COL25A1: variants seen among roughly 807,000 people sequenced by gnomAD.
COL25A1 encodes collagen type XXV alpha 1 chain.
COL25A1 carries 103 observed loss-of-function variants against 128.4 expected under a neutral mutation model. That is an observed-to-expected ratio of 0.80 (90% confidence interval 0.68 to 0.94). The LOEUF (loss-of-function observed/expected upper bound fraction) is 0.94, where lower values mean the gene tolerates loss of function less well. COL25A1 is among the 40% of genes least tolerant of loss of function. The probability of loss-of-function intolerance (pLI) is 0.00; values close to 1 mark genes in which losing one functional copy is unlikely to be tolerated. For missense variants in COL25A1, 745 were observed against 840.0 expected (o/e 0.89, Z 1.40); for synonymous variants, 279 against 277.2 (o/e 1.01, Z -0.06).
intron 11 of COL25A1, among the ~76,000 whole-genome samples, chr4:108,924,636 G>A (rs570910746): frequency 1.4e-4 from 22 of 152,180 alleles, no homozygotes; most frequent in African/African-American, 5.3e-4. Context: ...CTAACGTAAC[G>A]TTCACCTAAT....
At chr4:109,275,420 T>C (rs879717942) in intron 3 of COL25A1, among the ~76,000 whole-genome samples, 3 of 152,182 alleles carry the variant, frequency 2.0e-5, no homozygotes, top group Admixed American at 1.3e-4. Flanking sequence ...AGAGGTTTCA[T>C]AGGGTTTAGG....
intron 13 of COL25A1, among the ~76,000 whole-genome samples, chr4:108,908,103 G>A (rs1743745690): frequency 6.6e-6 from 1 of 152,114 alleles, no homozygotes; most frequent in Admixed American, 6.5e-5. Flanking sequence ...ACTAAATTTG[G>A]CTCAAGTCTA....
intron 3 of COL25A1, among the ~76,000 whole-genome samples, chr4:109,282,894 T>C (rs751727493): frequency 2.0e-5 from 3 of 152,354 alleles, no homozygotes; most frequent in Middle Eastern, 3.4e-3. Context: ...AAGGCTCTGA[T>C]GAAACTAAAA....
chr4:109,240,438 T>C (rs1193335555), intron 3 of COL25A1, among the ~76,000 whole-genome samples: 6 of 152,060 alleles, frequency 3.9e-5, no homozygotes, highest in South Asian at 2.1e-4. Flanking sequence ...TGTCATGCAG[T>C]GCAAAACTGT....
chr4:109,276,983 T>C (rs1160831102), intron 3 of COL25A1, among the ~76,000 whole-genome samples: 2 of 152,210 alleles, frequency 1.3e-5, no homozygotes, highest in African/African-American at 4.8e-5. Context: ...CATTCTCTTC[T>C]GCTGTTATTC....
At chr4:108,845,928 G>T (rs1456112620) in intron 28 of COL25A1, among the ~76,000 whole-genome samples, 5 of 151,964 alleles carry the variant, frequency 3.3e-5, no homozygotes, top group Non-Finnish European at 7.4e-5. Context: ...AAACATGAAG[G>T]CTTCCTTTAT....
chr4:109,120,360 T>C (rs1768002733), intron 3 of COL25A1, among the ~76,000 whole-genome samples: 2 of 152,122 alleles, frequency 1.3e-5, no homozygotes, highest in Admixed American at 1.3e-4. Context: ...GTAGATGATA[T>C]GATTGCCTAT....
intron 3 of COL25A1, among the ~76,000 whole-genome samples, chr4:109,178,835 CAAAAAAAAAAAA>C (rs34132262): frequency 4.2e-5 from 2 of 47,544 alleles, no homozygotes. Flanking sequence ...ACTCCATCTC[CAAAAAAAAAAAA>C]AAAAAAAAAA....
chr4:109,143,951 G>A (rs2126090400), intron 3 of COL25A1, among the ~76,000 whole-genome samples: 1 of 152,246 alleles, frequency 6.6e-6, no homozygotes, highest in South Asian at 2.1e-4. Flanking sequence ...GCAAGGAGTT[G>A]TGATCCTTTA....
chr4:108,941,321 A>G, intron 9 of COL25A1, 45 bp downstream of exon 9: 3 of 1,469,196 alleles, frequency 2.0e-6, no homozygotes, highest in Non-Finnish European at 2.9e-6. Context: ...CAGAGCAATA[A>G]CTGATGTAAA....
intron 3 of COL25A1, among the ~76,000 whole-genome samples, chr4:109,170,516 C>A (rs956704094): frequency 6.6e-6 from 1 of 151,984 alleles, no homozygotes. Context: ...AACAAATAAA[C>A]AAAAAACCTG....
chr4:108,911,014 A>G (rs529672114), intron 13 of COL25A1, among the ~76,000 whole-genome samples: 1 of 152,324 alleles, frequency 6.6e-6, no homozygotes, highest in South Asian at 2.1e-4. Context: ...GGAACGGGGT[A>G]GATTTCACCC....
At chr4:109,239,827 C>T (rs1422300912) in intron 3 of COL25A1, among the ~76,000 whole-genome samples, 1 of 152,028 alleles carries the variant, frequency 6.6e-6, no homozygotes, top group East Asian at 1.9e-4. Flanking sequence ...TAAATCTTAG[C>T]TTATAACACA....
chr4:109,291,301 A>G (rs1312467876), intron 3 of COL25A1, among the ~76,000 whole-genome samples: 1 of 152,124 alleles, frequency 6.6e-6, no homozygotes, highest in Non-Finnish European at 1.5e-5. Flanking sequence ...AATGTATTGT[A>G]TATCTTGCTC....
intron 5 of COL25A1, among the ~76,000 whole-genome samples, chr4:109,010,752 A>G (rs963590863): frequency 6.6e-6 from 1 of 152,258 alleles, no homozygotes; most frequent in Non-Finnish European, 1.5e-5. Context: ...TGAGCTATTC[A>G]AAGCGCAGAC....
chr4:108,989,529 TTAAAA>T (rs1284571467), intron 6 of COL25A1, among the ~76,000 whole-genome samples: 1 of 152,220 alleles, frequency 6.6e-6, no homozygotes, highest in Admixed American at 6.5e-5. Context: ...GTATTTTTTA[TTAAAA>T]TAAAATTTAC....
chr4:109,192,071 A>G (rs1775666684), intron 3 of COL25A1, among the ~76,000 whole-genome samples: 1 of 152,234 alleles, frequency 6.6e-6, no homozygotes, highest in Non-Finnish European at 1.5e-5. Context: ...AGCATTAGAA[A>G]TAGAGAGCAA....
intron 19 of COL25A1, among the ~76,000 whole-genome samples, chr4:108,878,793 T>C (rs1329833715): frequency 6.6e-6 from 1 of 152,042 alleles, no homozygotes; most frequent in East Asian, 1.9e-4. Flanking sequence ...TTATTGGAGG[T>C]TTCATTCTTG....
intron 19 of COL25A1, among the ~76,000 whole-genome samples, chr4:108,879,759 T>C (rs1280285082): frequency 6.6e-6 from 1 of 150,946 alleles, no homozygotes; most frequent in Non-Finnish European, 1.5e-5. Context: ...GTGGTACATG[T>C]TGAAAGAAGG....
Sources: gnomAD v4.1 joint callset for allele counts (sites outside exome capture counted in the v4.1 genomes callset) on GRCh38, gnomAD v4.1.1 for gene constraint, MANE v1.5 for transcripts, NCBI Gene and HGNC (gene_info 2026-07-23, HGNC 2026-07-21) for gene names.